The following SPICE1 variants were observed in gnomAD, a reference collection of about 807,000 sequenced individuals.
The protein encoded by SPICE1 is spindle and centriole-associated protein 1.
In SPICE1, 75 loss-of-function variants were observed where a neutral mutation model predicts 102.7. That is an observed-to-expected ratio of 0.73 (90% CI 0.61 to 0.88). The LOEUF is 0.88. Among genes scored for constraint, SPICE1 ranks in the 40% least tolerant of loss-of-function variants. The probability of loss-of-function intolerance (pLI) is 0.00; values close to 1 mark genes in which losing one functional copy is unlikely to be tolerated. For missense variants in SPICE1, 979 were observed against 1,020.1 expected (o/e 0.96, Z 0.55); for synonymous variants, 308 against 350.3 (o/e 0.88, Z 1.35).
Position 113,468,854 on chromosome 3 carries a change from A to AGCCT in SPICE1, c.793_796dup (p.Leu266GlnfsTer5), listed in dbSNP as rs1288838916. The stretch of plus-strand genomic sequence containing the variant: ...AGTCTCAGTAGATTCTTCAGGCTGA[A>AGCCT]GCCTGGTTTGGAGTCTCTTGACAGC... On this transcript the variant is annotated frameshift_variant, in exon 9 of 18. Coordinates refer to ENST00000295872, the MANE Select transcript of SPICE1 (RefSeq NM_144718.4). LOFTEE classifies it high-confidence loss of function. The AGCCT allele has an allele frequency of 6.2e-7, 1 of 1,614,188 alleles. No individual in the cohort carries two copies.
intron 7 of SPICE1, among the ~76,000 whole-genome samples, chr3:113,485,132 G>A (rs1936613357): frequency 1.3e-5 from 2 of 151,848 alleles, no homozygotes; most frequent in Non-Finnish European, 2.9e-5. Flanking sequence ...CAAAACTAGG[G>A]GGCCGTTTGG....
intron 1 of SPICE1, 77 bp from the exon 2 acceptor site, chr3:113,506,682 T>C: frequency 1.8e-6 from 2 of 1,106,178 alleles, no homozygotes; most frequent in South Asian, 1.5e-5. Context: ...GGAAGACACC[T>C]GAAAAAAAAA....
intron 13 of SPICE1, among the ~76,000 whole-genome samples, chr3:113,454,379 T>A (rs1935731645): frequency 6.6e-6 from 1 of 151,962 alleles, no homozygotes; most frequent in African/African-American, 2.4e-5. Context: ...ATGACTGCCT[T>A]TAGGGGTATG....
chr3:113,478,562 A>G (rs573259301), intron 7 of SPICE1, among the ~76,000 whole-genome samples: 1 of 152,316 alleles, frequency 6.6e-6, no homozygotes, highest in African/African-American at 2.4e-5. Context: ...ACCAAAAAAC[A>G]CAAGAATCAC....
chr3:113,447,955 T>C (rs1935554067), intron 16 of SPICE1, 83 bp downstream of exon 16: 8 of 1,298,058 alleles, frequency 6.2e-6, no homozygotes, highest in South Asian at 1.6e-5. Context: ...ACTGTACACT[T>C]CCTTTTTTCA....
At chr3:113,507,074 A>G (rs1190788621) in intron 1 of SPICE1, among the ~76,000 whole-genome samples, 1 of 152,220 alleles carries the variant, frequency 6.6e-6, no homozygotes, top group Non-Finnish European at 1.5e-5. Context: ...CTTACTTGAA[A>G]ATAAAAGTAG....
In SPICE1 at chr3:113,444,746, T is replaced by C. The variant is rs952931139; in HGVS notation, c.*561A>G. 1 of 152,130 alleles carries C rather than the reference T, an allele frequency of 6.6e-6. No homozygotes were observed. The highest frequency in any genetic ancestry group is 1.5e-5 in the Non-Finnish European group (1 of 68,022). The allele number at this position is 152,130 out of a possible 1,614,324, so 9.4% of individuals were successfully genotyped here. ...ATAAATGCAACCACTCTTACCTGCT[T>C]AAGCAAATATAAACAAACACTCCCA... On this transcript the variant is annotated 3_prime_UTR_variant, in exon 18 of 18. Coordinates refer to ENST00000295872, the MANE Select transcript of SPICE1 (RefSeq NM_144718.4).
chr3:113,503,931 T>TAAAA (rs34217669), intron 2 of SPICE1, among the ~76,000 whole-genome samples: 97 of 95,226 alleles, frequency 1.0e-3, no homozygotes, highest in Middle Eastern at 5.2e-3. Flanking sequence ...AGTTTCTATC[T>TAAAA]AAAAAAAAAA....
chr3:113,484,063 T>C (rs1301612364), intron 7 of SPICE1, among the ~76,000 whole-genome samples: 4 of 152,212 alleles, frequency 2.6e-5, no homozygotes, highest in Non-Finnish European at 5.9e-5. Flanking sequence ...GAACTTGTTA[T>C]TGGTCTATTC....
chr3:113,494,133 C>T lies in SPICE1; in HGVS notation c.301G>A (p.Asp101Asn). The change falls in exon 5 of 18, where the codon GAT becomes AAT. Residue 101 changes from aspartate to asparagine, a missense_variant. Physicochemically the swap from Asp to Asn is conservative, Grantham distance 23 (BLOSUM62 1). Transcript: ENST00000295872. ...AACACATCTTGCATCTGGTATTGAT[C>T]AGAAAGAATCTAGACATGTGTTAAT... ...RLSIMKEILS[D>N]QYQMQDVLEK... is the part of the protein sequence containing the mutation. 6.3e-7 allele frequency: 1 copy of T among 1,599,660 alleles called. No homozygotes were observed. Among genetic ancestry groups the T allele is most frequent in the African/African-American group, 1.3e-5 (1 of 74,516 alleles).
At position 113,514,891 on chromosome 3, in the gene SPICE1, A is replaced by G; in HGVS notation, c.-1+6T>C. On this transcript the variant is annotated splice_donor_region_variant and intron_variant, in intron 1 of 17. Transcript: ENST00000295872. ...AACATACCCAGACACGCACCCTGAC[A>G]CGTACTTGCACTCTCAAAACACAGA... The G allele has an allele frequency of 8.4e-7, 1 of 1,185,294 alleles. No individual in the cohort carries two copies. Among genetic ancestry groups the G allele is most frequent in the Non-Finnish European group, 1.1e-6 (1 of 937,644 alleles). The allele number at this position is 1,185,294 out of a possible 1,614,324, so 73.4% of individuals were successfully genotyped here.
At chr3:113,473,446 A>C (rs1936257805) in intron 7 of SPICE1, among the ~76,000 whole-genome samples, 1 of 152,210 alleles carries the variant, frequency 6.6e-6, no homozygotes, top group African/African-American at 2.4e-5. Flanking sequence ...CACCACAAAG[A>C]TACTCCTCGA....
chr3:113,514,086 G>A (rs1414178375), intron 1 of SPICE1, among the ~76,000 whole-genome samples: 2 of 152,164 alleles, frequency 1.3e-5, no homozygotes, highest in African/African-American at 4.8e-5. Flanking sequence ...TAGAAGCAGG[G>A]GAAAGAATAT....
chr3:113,492,668 A>T (rs1297058499), intron 6 of SPICE1, among the ~76,000 whole-genome samples: 3 of 152,124 alleles, frequency 2.0e-5, no homozygotes, highest in Non-Finnish European at 2.9e-5. Context: ...AACTTTTCGC[A>T]CCTGATCCAT....
At position 113,470,287 on chromosome 3, in the gene SPICE1, C is replaced by T. The variant is rs559082278; in HGVS notation, c.612-1049G>A. ...CCAAATTGCAAAAGATTAGTAAAGT[C>T]GCTGTTAGGAAAGCATATTCTGGAG... is the stretch of plus-strand genomic sequence containing the variant. On this transcript the variant is annotated intron_variant, in intron 7 of 17. Transcript: ENST00000295872. 2.0e-3 allele frequency among the ~76,000 whole-genome samples: 310 copies of T among 152,256 alleles called. 1 individual carries two copies. The highest frequency in any genetic ancestry group is 3.8e-3 in the Non-Finnish European group (261 of 68,000).
intron 7 of SPICE1, among the ~76,000 whole-genome samples, chr3:113,480,151 A>T (rs982551357): frequency 6.6e-6 from 1 of 152,142 alleles, no homozygotes; most frequent in Admixed American, 6.5e-5. Context: ...AAGAAAATAT[A>T]ACTTATAAAA....
intron 7 of SPICE1, among the ~76,000 whole-genome samples, chr3:113,482,891 CT>C (rs1936546590): frequency 6.6e-6 from 1 of 152,146 alleles, no homozygotes; most frequent in Non-Finnish European, 1.5e-5. Flanking sequence ...TATGCAGGCT[CT>C]TTTTTGGCTC....
chr3:113,492,024 T>C (rs1936779109), intron 6 of SPICE1, among the ~76,000 whole-genome samples: 1 of 152,146 alleles, frequency 6.6e-6, no homozygotes, highest in African/African-American at 2.4e-5. Context: ...CTGAAATAAA[T>C]AGGGCACACT....
chr3:113,448,791 T>C (rs1336580571), intron 15 of SPICE1: 1 of 152,212 alleles, frequency 6.6e-6, no homozygotes, highest in East Asian at 1.9e-4. Flanking sequence ...TATTTAATTT[T>C]ACAAAATATT....
Sources: gnomAD v4.1 joint callset for allele counts (sites outside exome capture counted in the v4.1 genomes callset) on GRCh38, gnomAD v4.1.1 for gene constraint, MANE v1.5 for transcripts, NCBI Gene and HGNC (gene_info 2026-07-23, HGNC 2026-07-21) for gene names.